MACROD2: variants seen among roughly 807,000 people sequenced by gnomAD.
MACROD2 encodes ADP-ribose glycohydrolase MACROD2.
MACROD2 carries 36 observed loss-of-function variants against 70.4 expected under a neutral mutation model. That is an observed-to-expected ratio of 0.51 (90% CI 0.39 to 0.68). The LOEUF (loss-of-function observed/expected upper bound fraction) is 0.68, where lower values mean the gene tolerates loss of function less well. Among genes scored for constraint, MACROD2 ranks in the 30% least tolerant of loss-of-function variants. The pLI is 0.00. For synonymous variants in MACROD2, 172 were observed against 178.8 expected, an observed-to-expected ratio of 0.96 and a Z score of 0.30; for missense variants, 496 against 538.4, an observed-to-expected ratio of 0.92 and a Z score of 0.78.
chr20:15,773,314 G>T (rs1369102100), intron 8 of MACROD2, among the ~76,000 whole-genome samples: 1 of 152,012 alleles, frequency 6.6e-6, no homozygotes, highest in Non-Finnish European at 1.5e-5. Context: ...TTTTTAATCA[G>T]AGAAATATGA....
chr20:14,758,680 C>T (rs1568779537), intron 5 of MACROD2, among the ~76,000 whole-genome samples: 1 of 152,080 alleles, frequency 6.6e-6, no homozygotes. Flanking sequence ...CTGCCATCTC[C>T]TTGTGTGGAG....
At chr20:14,713,640 A>T (rs1015053499) in intron 5 of MACROD2, among the ~76,000 whole-genome samples, 5 of 152,206 alleles carry the variant, frequency 3.3e-5, no homozygotes, top group Non-Finnish European at 1.5e-5. Flanking sequence ...TGAAGACCTA[A>T]CTATATATGA....
intron 8 of MACROD2, among the ~76,000 whole-genome samples, chr20:15,810,828 C>T (rs2063812867): frequency 6.6e-6 from 1 of 151,908 alleles, no homozygotes; most frequent in South Asian, 2.1e-4. Flanking sequence ...CAAAAACAAG[C>T]AATGGGGAAA....
At chr20:14,413,905 C>CTTTG (rs11471539) in intron 3 of MACROD2, among the ~76,000 whole-genome samples, 146,422 of 151,976 alleles carry the variant, frequency 0.96, 70,796 homozygotes, top group Middle Eastern at 1. Flanking sequence ...CAGTGTCTAC[C>CTTTG]TTTGTTCCTC....
chr20:15,302,597 A>T lies in MACROD2; in HGVS notation c.540+72536A>T, dbSNP rs1163775007. Among the ~76,000 whole-genome samples, 3 of 152,138 alleles carry T rather than the reference A, an allele frequency of 2.0e-5. No homozygotes were observed. The East Asian group carries it at 5.8e-4, about 29-fold the overall frequency. On this transcript the variant is annotated intron_variant, in intron 6 of 17. Coordinates refer to ENST00000684519, the MANE Select transcript of MACROD2 (RefSeq NM_001351661.2). ...GATGGATATTCCATTTGCTTCAGAC[A>T]TTTTCTACTCTGGGTTGGTGATTTC...
At chr20:14,545,045 G>A (rs142960655) in intron 4 of MACROD2, among the ~76,000 whole-genome samples, 1 of 152,280 alleles carries the variant, frequency 6.6e-6, no homozygotes, top group East Asian at 1.9e-4. Context: ...AGATGATGAT[G>A]ATGACGATGA....
intron 7 of MACROD2, among the ~76,000 whole-genome samples, chr20:15,481,027 C>A (rs1002588579): frequency 2.6e-5 from 4 of 152,204 alleles, no homozygotes; most frequent in Admixed American, 6.5e-5. Flanking sequence ...CCTACCTAGA[C>A]CCTGATGGTT....
chr20:15,199,554 TA>T (rs1481200166), intron 5 of MACROD2, among the ~76,000 whole-genome samples: 3 of 152,186 alleles, frequency 2.0e-5, no homozygotes, highest in Admixed American at 2.0e-4. Flanking sequence ...CTGGCAGTGG[TA>T]AAGAGCCGTT....
intron 8 of MACROD2, among the ~76,000 whole-genome samples, chr20:15,767,223 C>G (rs1016632577): frequency 5.3e-5 from 8 of 152,206 alleles, no homozygotes; most frequent in Non-Finnish European, 8.8e-5. Flanking sequence ...TCCTCAAAAA[C>G]TTGTATAGAT....
intron 8 of MACROD2, among the ~76,000 whole-genome samples, chr20:15,839,819 A>G (rs751824528): frequency 6.6e-6 from 1 of 152,144 alleles, no homozygotes; most frequent in Non-Finnish European, 1.5e-5. Context: ...ATTATATTAC[A>G]TTGTAATTTT....
chr20:15,161,616 C>T (rs529073002), intron 5 of MACROD2, among the ~76,000 whole-genome samples: 24 of 151,884 alleles, frequency 1.6e-4, no homozygotes, highest in East Asian at 7.8e-4. Context: ...CAGTAAATTA[C>T]GATTTTCTTC....
At chr20:15,225,596 A>G (rs2145973645) in intron 5 of MACROD2, among the ~76,000 whole-genome samples, 1 of 152,260 alleles carries the variant, frequency 6.6e-6, no homozygotes, top group East Asian at 1.9e-4. Flanking sequence ...TCGGTAGAGG[A>G]ATTTTTTTTA....
At chr20:14,571,802 G>A (rs1404805818) in intron 4 of MACROD2, among the ~76,000 whole-genome samples, 4 of 151,952 alleles carry the variant, frequency 2.6e-5, no homozygotes, top group Admixed American at 6.6e-5. Flanking sequence ...TTGGAGTCAC[G>A]GGCTAGTTCT....
intron 5 of MACROD2, among the ~76,000 whole-genome samples, chr20:15,071,501 T>C (rs540523682): frequency 6.6e-6 from 1 of 152,318 alleles, no homozygotes; most frequent in South Asian, 2.1e-4. Flanking sequence ...GGAGAAAATT[T>C]TGTAATGCTA....
intron 5 of MACROD2, among the ~76,000 whole-genome samples, chr20:14,726,683 T>C (rs1031079105): frequency 1.3e-5 from 2 of 152,208 alleles, no homozygotes; most frequent in African/African-American, 2.4e-5. Flanking sequence ...TGCTTTTAAC[T>C]ACTCGGGCAT....
chr20:15,136,095 A>T (rs2076145507), intron 5 of MACROD2, among the ~76,000 whole-genome samples: 1 of 146,370 alleles, frequency 6.8e-6, no homozygotes, highest in Non-Finnish European at 1.5e-5. Flanking sequence ...TTCCATGCTC[A>T]TGGATAGGAA....
intron 3 of MACROD2, among the ~76,000 whole-genome samples, chr20:14,177,919 A>C (rs773139853): frequency 1.5e-4 from 23 of 152,208 alleles, no homozygotes; most frequent in Non-Finnish European, 2.4e-4. Flanking sequence ...ATAAAAGTGC[A>C]TTTTTCTTTA....
At chr20:15,985,498 C>G (rs2066467006) in intron 13 of MACROD2, among the ~76,000 whole-genome samples, 1 of 152,224 alleles carries the variant, frequency 6.6e-6, no homozygotes, top group Admixed American at 6.5e-5. Flanking sequence ...AAAGACTAGT[C>G]TTACCAAGTT....
chr20:15,490,131 T>TTTCCTTCCTTCC (rs111772643), intron 7 of MACROD2, among the ~76,000 whole-genome samples: 11,043 of 141,768 alleles, frequency 0.078, 551 homozygotes, highest in Non-Finnish European at 0.1. Context: ...CCTCTTGGCA[T>TTTCCTTCCTTCC]TTCCTTCCTT....
Sources: gnomAD v4.1 joint callset for allele counts (sites outside exome capture counted in the v4.1 genomes callset) on GRCh38, gnomAD v4.1.1 for gene constraint, MANE v1.5 for transcripts, NCBI Gene and HGNC (gene_info 2026-07-23, HGNC 2026-07-21) for gene names.